The following NCOR1 variants were observed in gnomAD, a reference collection of about 807,000 sequenced individuals.
NCOR1 encodes the protein protein phosphatase 1, regulatory subunit 109.
NCOR1 carries 63 observed loss-of-function variants against 288.1 expected under a neutral mutation model. That is an observed-to-expected ratio of 0.22 (90% confidence interval 0.18 to 0.27). The LOEUF (loss-of-function observed/expected upper bound fraction) is 0.27, where lower values mean the gene tolerates loss of function less well. Ranked by LOEUF, NCOR1 falls within the 10% of genes least tolerant of loss-of-function variation. The probability of loss-of-function intolerance (pLI) is 1.00; values close to 1 mark genes in which losing one functional copy is unlikely to be tolerated. For missense variants in NCOR1, 2,397 were observed against 3,019.2 expected (o/e 0.79, Z 4.83); for synonymous variants, 1,007 against 1,065.9 (o/e 0.94, Z 1.08).
chr17:16,126,041 A>G (rs1266805001), intron 15 of NCOR1, 41 bp downstream of exon 15: 1 of 975,568 alleles, frequency 1.0e-6, no homozygotes. Context: ...TAAAATAAAA[A>G]TAAACATTTA....
At chr17:16,036,839 G>A (rs2056486775) in intron 44 of NCOR1, among the ~76,000 whole-genome samples, 1 of 152,168 alleles carries the variant, frequency 6.6e-6, no homozygotes, top group South Asian at 2.1e-4. Context: ...ACGAAACACT[G>A]TTTTGCTTTA....
chr17:16,121,581 C>T (rs1017004461), intron 15 of NCOR1, among the ~76,000 whole-genome samples: 7 of 152,126 alleles, frequency 4.6e-5, no homozygotes, highest in Non-Finnish European at 7.3e-5. Flanking sequence ...AAGCCCTAGA[C>T]CTGCAATCCA....
chr17:16,066,310 A>C (rs1434086217), intron 32 of NCOR1, among the ~76,000 whole-genome samples: 2 of 152,212 alleles, frequency 1.3e-5, no homozygotes, highest in Non-Finnish European at 2.9e-5. Context: ...TATCCTAATA[A>C]AACTTTATTT....
At chr17:16,119,204 TA>T (rs2072449545) in intron 17 of NCOR1, among the ~76,000 whole-genome samples, 1 of 152,202 alleles carries the variant, frequency 6.6e-6, no homozygotes, top group Non-Finnish European at 1.5e-5. Context: ...GAGAGAATCT[TA>T]AATCCCTTAA....
chr17:16,207,666 G>A (rs1424430728), intron 1 of NCOR1, among the ~76,000 whole-genome samples: 8 of 151,314 alleles, frequency 5.3e-5, no homozygotes, highest in Admixed American at 1.3e-4. Flanking sequence ...GTGTGAACCT[G>A]GGAGGTGGAG....
Position 16,068,086 on chromosome 17 carries a change from T to G in NCOR1, c.4549A>C (p.Arg1517=). ...TGGGTAGGGGTCAGTGTCGATTTCC[T>G]TTCATGATTGGTAGACTTGTTAGAA... is the stretch of plus-strand genomic sequence containing the variant. ...ISSNKSTNHE[R]KSTLTPTQRE... is the part of the protein sequence containing the mutation. Residue 1517 remains arginine (R), a synonymous_variant, in exon 32 of 46, where the codon AGG becomes CGG. Transcript: ENST00000268712. The G allele has an allele frequency of 6.2e-7, 1 of 1,613,834 alleles. No individual in the cohort carries two copies. Among genetic ancestry groups the G allele is most frequent in the Non-Finnish European group, 8.5e-7 (1 of 1,179,834 alleles).
At chr17:16,171,602 G>A (rs1034842764) in intron 4 of NCOR1, among the ~76,000 whole-genome samples, 4 of 152,172 alleles carry the variant, frequency 2.6e-5, no homozygotes, top group South Asian at 2.1e-4. Context: ...TTCACTTACC[G>A]AAAAGGCAAA....
At chr17:16,045,594 T>C (rs2058527495) in intron 42 of NCOR1, among the ~76,000 whole-genome samples, 1 of 152,174 alleles carries the variant, frequency 6.6e-6, no homozygotes, top group African/African-American at 2.4e-5. Flanking sequence ...CTGCAACCTC[T>C]GCCTCCCAGG....
In NCOR1 at chr17:16,044,168, C is replaced by CAA. The variant is rs34691717; in HGVS notation, c.6679+2781_6679+2782dup. ...TGGGCCACAGAGTAAGACTCCATCT[C>CAA]AAAAAAAAAAAAAAAAAAAAGAAAG... On this transcript the variant is annotated intron_variant, in intron 42 of 45. Transcript: ENST00000268712. 7.9e-3 allele frequency among the ~76,000 whole-genome samples: 655 copies of CAA among 82,462 alleles called. 11 individuals are homozygous for CAA. The highest frequency in any genetic ancestry group is 0.017 in the South Asian group (33 of 1,970). 54.1% of individuals were successfully genotyped at this position (82,462 alleles called of 152,430 possible). A position where few individuals can be genotyped will look rare whatever the true frequency, so the allele number is the denominator to read the frequency against.
intron 2 of NCOR1, 39 bp from the exon 3 acceptor site, chr17:16,186,726 A>C: frequency 6.3e-7 from 1 of 1,590,104 alleles, no homozygotes; most frequent in Non-Finnish European, 8.6e-7. Context: ...ATTAACCAAA[A>C]ACTGAACAAC....
intron 6 of NCOR1, among the ~76,000 whole-genome samples, chr17:16,157,592 G>A (rs2080023799): frequency 6.6e-6 from 1 of 152,142 alleles, no homozygotes; most frequent in South Asian, 2.1e-4. Context: ...GACTGTATGT[G>A]TAAGATAGAC....
chr17:16,029,253 C>CAGTCT lies in NCOR1; in HGVS notation c.*3038_*3042dup, dbSNP rs1971744427. ...TTGGAAACACTAGGAGTTTTCAGGA[C>CAGTCT]AGTCTCTTCATGTGGGTGTTTTCAT... On this transcript the variant is annotated 3_prime_UTR_variant, in exon 46 of 46. Transcript: ENST00000268712. 1 of 453,678 alleles carries CAGTCT rather than the reference C, an allele frequency of 2.2e-6. No homozygotes were observed. Among genetic ancestry groups the CAGTCT allele is most frequent in the Non-Finnish European group, 4.4e-6 (1 of 226,690 alleles). 28.1% of individuals were successfully genotyped at this position (453,678 alleles called of 1,614,324 possible). A position where few individuals can be genotyped will look rare whatever the true frequency, so the allele number is the denominator to read the frequency against.
chr17:16,164,928 T>G (rs374269913), intron 5 of NCOR1, 51 bp downstream of exon 5: 1 of 1,298,724 alleles, frequency 7.7e-7, no homozygotes, highest in Non-Finnish European at 1.1e-6. Flanking sequence ...AAATATCTAC[T>G]GTAGGGAGAC....
At chr17:16,127,616 T>C (rs1402756343) in intron 14 of NCOR1, among the ~76,000 whole-genome samples, 4 of 143,262 alleles carry the variant, frequency 2.8e-5, no homozygotes, top group Non-Finnish European at 6.0e-5. Flanking sequence ...CATATGTGTA[T>C]GTGTATATAT....
At chr17:16,121,609 C>G (rs991319197) in intron 15 of NCOR1, among the ~76,000 whole-genome samples, 3 of 152,128 alleles carry the variant, frequency 2.0e-5, no homozygotes, top group African/African-American at 7.2e-5. Context: ...CAGCCTACAC[C>G]AAAAGGCAGG....
At chr17:16,061,296 TC>T in intron 37 of NCOR1, 104 bp downstream of exon 37, 2 of 1,367,312 alleles carry the variant, frequency 1.5e-6, no homozygotes, top group South Asian at 2.9e-5. Flanking sequence ...ACATTTACTA[TC>T]AACCGTTAGG....
chr17:16,046,910 T>G, intron 42 of NCOR1, 41 bp downstream of exon 42: 2 of 1,607,414 alleles, frequency 1.2e-6, no homozygotes. Flanking sequence ...TCATTATTAA[T>G]GCATGTTTTA....
chr17:16,167,826 C>T (rs1234185331), intron 4 of NCOR1, among the ~76,000 whole-genome samples: 1 of 135,822 alleles, frequency 7.4e-6, no homozygotes, highest in Non-Finnish European at 1.5e-5. Flanking sequence ...CACCACTGCA[C>T]TCCAACCTGG....
At chr17:16,118,142 C>T (rs1360488291) in intron 17 of NCOR1, 115 bp from the exon 18 acceptor site, 5 of 965,468 alleles carry the variant, frequency 5.2e-6, no homozygotes, top group Non-Finnish European at 7.6e-6. Flanking sequence ...TAGAAGTGTG[C>T]TTTCAATTAC....
Sources: gnomAD v4.1 joint callset for allele counts (sites outside exome capture counted in the v4.1 genomes callset) on GRCh38, gnomAD v4.1.1 for gene constraint, MANE v1.5 for transcripts, NCBI Gene and HGNC (gene_info 2026-07-23, HGNC 2026-07-21) for gene names.